SNTB2: variants seen among roughly 807,000 people sequenced by gnomAD.
The protein encoded by SNTB2 is beta-2-syntrophin.
Under a neutral mutation model 46.2 loss-of-function variants are expected in SNTB2, and 34 were observed. The observed-to-expected ratio is 0.74, with a 90% CI of 0.56 to 0.98. SNTB2 has a LOEUF of 0.98. SNTB2 is among the 50% of genes least tolerant of loss of function. The pLI is 0.00. For missense variants in SNTB2, 603 were observed against 731.4 expected (o/e 0.82, Z 2.02); for synonymous variants, 290 against 312.6 (o/e 0.93, Z 0.76).
chr16:69,214,159 C>G (rs1232581185), intron 1 of SNTB2, among the ~76,000 whole-genome samples: 4 of 147,078 alleles, frequency 2.7e-5, no homozygotes, highest in African/African-American at 1.0e-4. Flanking sequence ...TTGAGACAGT[C>G]TCGCTCTGTT....
intron 4 of SNTB2, among the ~76,000 whole-genome samples, chr16:69,281,785 G>A (rs1965050041): frequency 6.6e-6 from 1 of 151,670 alleles, no homozygotes; most frequent in African/African-American, 2.4e-5. Flanking sequence ...GGAGGTTGCA[G>A]TGAGCGGAAA....
intron 1 of SNTB2, among the ~76,000 whole-genome samples, chr16:69,227,250 C>T (rs141222690): frequency 0.021 from 3,271 of 152,282 alleles, 53 homozygotes; most frequent in Non-Finnish European, 0.029. Flanking sequence ...TTCATCTAAT[C>T]AATATTGACT....
At chr16:69,237,837 A>G (rs1964573419) in intron 1 of SNTB2, among the ~76,000 whole-genome samples, 1 of 152,038 alleles carries the variant, frequency 6.6e-6, no homozygotes, top group Non-Finnish European at 1.5e-5. Flanking sequence ...TCCCGACCTC[A>G]GGTGATCCTC....
At chr16:69,252,713 A>G (rs1413014474) in intron 2 of SNTB2, among the ~76,000 whole-genome samples, 1 of 152,204 alleles carries the variant, frequency 6.6e-6, no homozygotes, top group Non-Finnish European at 1.5e-5. Flanking sequence ...CAAAATGTTA[A>G]TTGCATTTCT....
rs571250924 is a variant in SNTB2 at position 69,260,386 on chromosome 16, G to GT, written c.1005+131dup. ...TGGATATCTAGCTTGCAGATCTTTT[G>GT]TTTTTCAGTGTTTTGTTTCACCTCC... is the stretch of plus-strand genomic sequence containing the variant. On this transcript the variant is annotated intron_variant, in intron 3 of 6. Coordinates refer to ENST00000336278, the MANE Select transcript of SNTB2 (RefSeq NM_006750.4). The GT allele has an allele frequency of 3.0e-4, 247 of 828,350 alleles. 1 individual carries two copies. In the African/African-American group the frequency reaches 3.9e-3, roughly 13 times the overall value. The allele number at this position is 828,350 out of a possible 1,614,324, so 51.3% of individuals were successfully genotyped here. A position where few individuals can be genotyped will look rare whatever the true frequency, so the allele number is the denominator to read the frequency against.
In SNTB2 at chr16:69,187,442, GC is replaced by G; in HGVS notation, c.281del (p.Pro94ArgfsTer26). The G allele has an allele frequency of 1.7e-6, 2 of 1,163,082 alleles. No homozygotes were observed. The highest frequency in any genetic ancestry group is 2.1e-6 in the Non-Finnish European group (2 of 944,066). The allele number at this position is 1,163,082 out of a possible 1,614,324, so 72.0% of individuals were successfully genotyped here. A position where few individuals can be genotyped will look rare whatever the true frequency, so the allele number is the denominator to read the frequency against. ...CCGGGAGCCCAAGCCGCGGCCTGGG[GC>G]CCCCGAGCCCGCCGGCGCCGCCTCG... ...LPGSPSRGLG[P>X]PSPPAPPRGP... is the part of the protein sequence containing the mutation. On this transcript the variant is annotated frameshift_variant, in exon 1 of 7. Coordinates refer to ENST00000336278, the MANE Select transcript of SNTB2 (RefSeq NM_006750.4). LOFTEE classifies it high-confidence loss of function.
At chr16:69,232,562 A>AGTG (rs1964518292) in intron 1 of SNTB2, among the ~76,000 whole-genome samples, 1 of 113,286 alleles carries the variant, frequency 8.8e-6, no homozygotes, top group South Asian at 3.1e-4. Context: ...GCCAGGCTGG[A>AGTG]GTGCAGTGGC....
At position 69,245,677 on chromosome 16, in the gene SNTB2, C is replaced by A. The variant is rs374025832; in HGVS notation, c.656C>A (p.Ala219Asp). ...LVSDLPWEGAAPQSPSFSGSE... is the reference protein window; with the variant it reads ...LVSDLPWEGADPQSPSFSGSE... ...TCAGATCTGCCGTGGGAAGGTGCAG[C>A]CCCCCAGTCACCAAGCTTTAGTGGC... The change falls in exon 2 of 7, where the codon GCC becomes GAC. Residue 219 changes from alanine (A) to aspartate (D), a missense_variant. This residue lies in a region of SNTB2 where 537 missense variants were observed against 692.4 expected (regional missense o/e 0.78). Transcript: ENST00000336278. 6.5e-5 allele frequency: 105 copies of A among 1,613,904 alleles called. No homozygotes were observed. Among genetic ancestry groups the A allele is most frequent in the Non-Finnish European group, 8.8e-5 (104 of 1,179,986 alleles).
intron 3 of SNTB2, among the ~76,000 whole-genome samples, chr16:69,262,437 G>A (rs181704866): frequency 4.6e-5 from 7 of 151,380 alleles, no homozygotes; most frequent in Admixed American, 2.6e-4. Flanking sequence ...TGATTTTACC[G>A]TTTAACTGGT....
Position 69,213,715 on chromosome 16 carries a change from G to A in SNTB2, c.580+25969G>A, listed in dbSNP as rs1361215087. Reference sequence around the variant, plus strand: ...GGGTTTCACCATGCTGGCCAGGCTGGTCTGGAACTCCTGACCTTGTGTTCC... The same window carrying A: ...GGGTTTCACCATGCTGGCCAGGCTGATCTGGAACTCCTGACCTTGTGTTCC... On this transcript the variant is annotated intron_variant, in intron 1 of 6. Transcript: ENST00000336278. Among the ~76,000 whole-genome samples, 6 of 151,194 alleles carry A rather than the reference G, an allele frequency of 4.0e-5. No homozygotes were observed. The East Asian group carries it at 1.2e-3, about 30-fold the overall frequency.
At chr16:69,220,534 G>GT (rs535327994) in intron 1 of SNTB2, among the ~76,000 whole-genome samples, 3,145 of 140,798 alleles carry the variant, frequency 0.022, 27 homozygotes, top group Non-Finnish European at 0.029. Flanking sequence ...TCCATGTTTT[G>GT]TTTTTTTTTT....
At chr16:69,212,821 T>G (rs1479424828) in intron 1 of SNTB2, among the ~76,000 whole-genome samples, 1 of 150,110 alleles carries the variant, frequency 6.7e-6, no homozygotes, top group East Asian at 2.0e-4. Flanking sequence ...TTTGTAGAGA[T>G]AGGATTTCTC....
At chr16:69,232,687 T>C (rs1945213823) in intron 1 of SNTB2, among the ~76,000 whole-genome samples, 1 of 151,170 alleles carries the variant, frequency 6.6e-6, no homozygotes, top group African/African-American at 2.4e-5. Flanking sequence ...AATGTTTGTA[T>C]TTTTAGTAGA....
At chr16:69,284,333 G>A (rs755083956) in intron 5 of SNTB2, 89 bp downstream of exon 5, 1 of 1,100,526 alleles carries the variant, frequency 9.1e-7, no homozygotes, top group South Asian at 1.8e-5. Context: ...AGTCAGTGAT[G>A]GATTGCATAC....
At chr16:69,214,612 C>T (rs1344633996) in intron 1 of SNTB2, among the ~76,000 whole-genome samples, 3 of 152,080 alleles carry the variant, frequency 2.0e-5, no homozygotes, top group African/African-American at 7.2e-5. Flanking sequence ...CTGCAACCTC[C>T]ACCTCCCGGG....
intron 3 of SNTB2, among the ~76,000 whole-genome samples, chr16:69,261,951 G>A (rs1287996371): frequency 6.6e-6 from 1 of 152,124 alleles, no homozygotes; most frequent in African/African-American, 2.4e-5. Context: ...GCTCATACCT[G>A]TAAAACCAGC....
At chr16:69,254,324 G>A (rs78046672) in intron 2 of SNTB2, among the ~76,000 whole-genome samples, 7,635 of 152,102 alleles carry the variant, frequency 0.05, 263 homozygotes, top group Non-Finnish European at 0.071. Context: ...CCGCTTCCCC[G>A]GCCTCTTAGG....
chr16:69,258,263 A>G (rs1319980212), intron 2 of SNTB2, among the ~76,000 whole-genome samples: 6 of 152,160 alleles, frequency 3.9e-5, no homozygotes, highest in Admixed American at 3.9e-4. Flanking sequence ...ATTTTAAAAG[A>G]TATATATGTT....
chr16:69,286,742 G>A lies in SNTB2; in HGVS notation c.1345+2498G>A, dbSNP rs149728462. On this transcript the variant is annotated intron_variant, in intron 5 of 6. Coordinates refer to ENST00000336278, the MANE Select transcript of SNTB2 (RefSeq NM_006750.4). ...AAAAAAAAAAAAGCCAGACATAGTG[G>A]CACACACTGTAGTCTCAGCTGCTCA... Among the ~76,000 whole-genome samples, 399 of 151,640 alleles carry A rather than the reference G, an allele frequency of 2.6e-3. 3 individuals carry two copies. Among genetic ancestry groups the A allele is most frequent in the Non-Finnish European group, 4.8e-3 (327 of 67,892 alleles).
Sources: gnomAD v4.1 joint callset for allele counts (sites outside exome capture counted in the v4.1 genomes callset) on GRCh38, gnomAD v4.1.1 for gene constraint, gnomAD v4.1.1 regional missense constraint, MANE v1.5 for transcripts, NCBI Gene and HGNC (gene_info 2026-07-23, HGNC 2026-07-21) for gene names.